ZC4H2: variants seen among roughly 807,000 people sequenced by gnomAD.
ZC4H2 encodes the protein zinc finger C4H2-type containing.
For synonymous variants in ZC4H2, 84 were observed against 66.3 expected, an observed-to-expected ratio of 1.27 and a Z score of -1.30; for missense variants, 137 against 173.9, an observed-to-expected ratio of 0.79 and a Z score of 1.19.
chrX:65,028,718 G>T (rs2147296975), intron 1 of ZC4H2, among the ~76,000 whole-genome samples: 1 of 111,023 alleles, frequency 9.0e-6, no homozygotes, highest in African/African-American at 3.3e-5. Flanking sequence ...TTTTAGTAGA[G>T]ACAGGGTTTC....
intron 1 of ZC4H2, among the ~76,000 whole-genome samples, chrX:64,996,766 T>C (rs1198046481): frequency 1.8e-5 from 2 of 110,960 alleles, no homozygotes; most frequent in African/African-American, 3.3e-5. Flanking sequence ...AACCTGAAGA[T>C]AGGACAACTG....
chrX:64,961,187 A>G (rs1931376313), intron 1 of ZC4H2, among the ~76,000 whole-genome samples: 1 of 111,606 alleles, frequency 9.0e-6, no homozygotes, highest in African/African-American at 3.2e-5. Flanking sequence ...TGACTGTTTT[A>G]TCATTACATA....
chrX:64,956,020 A>G (rs1255460776), intron 1 of ZC4H2, among the ~76,000 whole-genome samples: 1 of 111,699 alleles, frequency 9.0e-6, no homozygotes, highest in African/African-American at 3.3e-5. Context: ...GAGTAAAAGA[A>G]GCAATGATTA....
intron 1 of ZC4H2, among the ~76,000 whole-genome samples, chrX:64,927,150 A>T (rs1386343349): frequency 9.0e-6 from 1 of 110,648 alleles, no homozygotes; most frequent in African/African-American, 3.3e-5. Context: ...TTTTATTATT[A>T]TACTTTAAGT....
At chrX:64,926,841 C>A (rs773347024) in intron 1 of ZC4H2, among the ~76,000 whole-genome samples, 3 of 111,387 alleles carry the variant, frequency 2.7e-5, no homozygotes, top group African/African-American at 9.8e-5. Context: ...ATATGGAGGG[C>A]TGACTTTTTG....
intron 1 of ZC4H2, among the ~76,000 whole-genome samples, chrX:64,973,192 A>AT (rs1180015587): frequency 9.4e-6 from 1 of 105,876 alleles, no homozygotes. Flanking sequence ...CTGCCTTTTT[A>AT]TTTTTTTTTC....
intron 1 of ZC4H2, among the ~76,000 whole-genome samples, chrX:65,017,705 G>A (rs1932806640): frequency 8.9e-6 from 1 of 111,965 alleles, no homozygotes; most frequent in Non-Finnish European, 1.9e-5. Context: ...TGAAGCTGCA[G>A]TGATACAAAT....
intron 1 of ZC4H2, among the ~76,000 whole-genome samples, chrX:65,014,377 T>C (rs888558770): frequency 1.8e-5 from 2 of 111,605 alleles, no homozygotes; most frequent in African/African-American, 6.5e-5. Flanking sequence ...AAGGCTTTTA[T>C]ATACTTAGAT....
intron 1 of ZC4H2, among the ~76,000 whole-genome samples, chrX:64,952,762 C>T (rs1449793280): frequency 9.1e-6 from 1 of 109,648 alleles, no homozygotes; most frequent in Non-Finnish European, 1.9e-5. Context: ...TTTATAGATT[C>T]AATGTCATCC....
At chrX:64,958,409 G>A (rs780477933) in intron 1 of ZC4H2, among the ~76,000 whole-genome samples, 4 of 111,739 alleles carry the variant, frequency 3.6e-5, no homozygotes, top group Non-Finnish European at 7.5e-5. Flanking sequence ...TTGTGTGTGT[G>A]TATATATGTA....
At chrX:65,026,670 C>T (rs1047986436) in intron 1 of ZC4H2, among the ~76,000 whole-genome samples, 1 of 109,787 alleles carries the variant, frequency 9.1e-6, no homozygotes, top group Non-Finnish European at 1.9e-5. Flanking sequence ...GATCGCACCA[C>T]TGCACTCCAG....
At chrX:65,033,216 A>G (rs12559168) in intron 1 of ZC4H2, among the ~76,000 whole-genome samples, 6,776 of 112,521 alleles carry the variant, frequency 0.06, 204 homozygotes, top group Non-Finnish European at 0.097. Context: ...AAATATGTTT[A>G]TACATTGTAT....
intron 1 of ZC4H2, among the ~76,000 whole-genome samples, chrX:64,973,992 A>C (rs912822557): frequency 9.0e-6 from 1 of 111,527 alleles, no homozygotes; most frequent in Non-Finnish European, 1.9e-5. Context: ...CTCTTCTTGA[A>C]TCTAAATGTT....
intron 1 of ZC4H2, among the ~76,000 whole-genome samples, chrX:64,964,650 T>C (rs969784595): frequency 5.4e-5 from 6 of 111,740 alleles, no homozygotes; most frequent in Admixed American, 1.9e-4. Flanking sequence ...AAACTTGCAC[T>C]ACCACAAATG....
intron 1 of ZC4H2, among the ~76,000 whole-genome samples, chrX:64,994,386 T>C (rs767848446): frequency 5.3e-5 from 6 of 112,286 alleles, no homozygotes; most frequent in African/African-American, 1.9e-4. Context: ...CACTATGCAA[T>C]GCTTTATATA....
intron 1 of ZC4H2, among the ~76,000 whole-genome samples, chrX:64,940,753 C>G (rs1431883506): frequency 9.0e-6 from 1 of 111,158 alleles, no homozygotes; most frequent in Non-Finnish European, 1.9e-5. Context: ...TTCCGTTGGT[C>G]TATATATCTG....
At chrX:64,979,364 G>A (rs1255101136), upstream of ZC4H2, among the ~76,000 whole-genome samples, 2 of 112,805 alleles carry the variant, frequency 1.8e-5, no homozygotes, top group African/African-American at 6.4e-5. Context: ...GGAGATAGCA[G>A]TTAATCTAAG....
chrX:64,926,808 T>G (rs1192817951), intron 1 of ZC4H2, among the ~76,000 whole-genome samples: 1 of 111,787 alleles, frequency 8.9e-6, no homozygotes, highest in Non-Finnish European at 1.9e-5. Context: ...AAATACAGTA[T>G]TCACAGGATG....
In ZC4H2 at chrX:65,005,467, G is replaced by T. The variant is rs750216429; in HGVS notation, c.-272+29162C>A. Among the ~76,000 whole-genome samples, 112 of 93,485 alleles carry T rather than the reference G, an allele frequency of 1.2e-3. 1 individual carries two copies. Among genetic ancestry groups the T allele is most frequent in the Middle Eastern group, 9.6e-3 (2 of 208 alleles). The allele number at this position is 93,485 out of a possible 115,157, so 81.2% of individuals were successfully genotyped here. A position where few individuals can be genotyped will look rare whatever the true frequency, so the allele number is the denominator to read the frequency against. ...CTGATTTTTGAAAAACCTGACGCAA[G>T]CAAGCAATGGGAAAAGGATTCGAAA... On this transcript the variant is annotated intron_variant, in intron 1 of 4. Coordinates refer to the ZC4H2 transcript ENST00000337990.
Sources: allele counts gnomAD v4.1 joint callset (sites outside exome capture counted in the v4.1 genomes callset), GRCh38; gene constraint gnomAD v4.1.1; transcripts MANE v1.5; gene names NCBI Gene and HGNC (gene_info 2026-07-23, HGNC 2026-07-21).